RBM46: variants seen among roughly 807,000 people sequenced by gnomAD.
RBM46 encodes probable RNA-binding protein 46.
RBM46 carries 12 observed loss-of-function variants against 43.3 expected under a neutral mutation model. The ratio of observed to expected loss-of-function variants is 0.28; its 90% confidence interval spans 0.18 to 0.45. The LOEUF is 0.45. Among genes scored for constraint, RBM46 ranks in the 20% least tolerant of loss-of-function variants. The pLI is 1.00. For missense variants in RBM46, 412 were observed against 639.1 expected, an observed-to-expected ratio of 0.64 and a Z score of 3.83; for synonymous variants, 205 against 207.6, an observed-to-expected ratio of 0.99 and a Z score of 0.11.
At chr4:154,815,062 A>G (rs769468790) in intron 4 of RBM46, among the ~76,000 whole-genome samples, 2 of 151,856 alleles carry the variant, frequency 1.3e-5, no homozygotes, top group Non-Finnish European at 2.9e-5. Context: ...GACTTATTCT[A>G]TGTATTTTTG....
chr4:154,827,514 A>G (rs750221650), intron 4 of RBM46: 63 of 1,022,264 alleles, frequency 6.2e-5, no homozygotes, highest in Non-Finnish European at 7.1e-5. Flanking sequence ...TCTTTTCTTC[A>G]TGGACTACCC....
At chr4:154,799,655 T>A in intron 4 of RBM46, 91 bp downstream of exon 4, 1 of 848,364 alleles carries the variant, frequency 1.2e-6, no homozygotes, top group Non-Finnish European at 1.7e-6. Flanking sequence ...AACTCAACAT[T>A]AGTGGTAAGT....
At chr4:154,809,480 C>G (rs544438852) in intron 4 of RBM46, among the ~76,000 whole-genome samples, 1 of 151,780 alleles carries the variant, frequency 6.6e-6, no homozygotes, top group Non-Finnish European at 1.5e-5. Context: ...AATCAACTCC[C>G]AAGTATTTAG....
chr4:154,826,286 C>T (rs1224478672), intron 4 of RBM46, among the ~76,000 whole-genome samples: 4 of 151,876 alleles, frequency 2.6e-5, no homozygotes, highest in African/African-American at 7.3e-5. Flanking sequence ...GGTGAAACCC[C>T]GTCTCTACTA....
At chr4:154,804,594 T>C (rs1734813921) in intron 4 of RBM46, among the ~76,000 whole-genome samples, 1 of 152,196 alleles carries the variant, frequency 6.6e-6, no homozygotes, top group Non-Finnish European at 1.5e-5. Context: ...CTTATCTGTA[T>C]TGATAATTCA....
intron 4 of RBM46, among the ~76,000 whole-genome samples, chr4:154,811,669 C>CTGTGTGTG (rs70947182): frequency 0.13 from 17,232 of 130,662 alleles, 1,128 homozygotes; most frequent in South Asian, 0.2. Flanking sequence ...GTGTGTGTGT[C>CTGTGTGTG]TGTGTGTGTG....
intron 4 of RBM46, among the ~76,000 whole-genome samples, chr4:154,811,570 AGTT>A (rs1578934886): frequency 3.9e-5 from 6 of 152,282 alleles, no homozygotes; most frequent in Admixed American, 6.5e-5. Flanking sequence ...AAATAATAAT[AGTT>A]AAGACTACAT....
intron 4 of RBM46, chr4:154,827,652 T>C: frequency 7.4e-7 from 1 of 1,357,092 alleles, no homozygotes; most frequent in Non-Finnish European, 9.4e-7. Context: ...CTCTGAAACA[T>C]TGCGTGAGTA....
intron 1 of RBM46, among the ~76,000 whole-genome samples, chr4:154,790,820 C>T (rs76295799): frequency 0.023 from 3,509 of 152,096 alleles, 133 homozygotes; most frequent in African/African-American, 0.08. Context: ...AAAGATCAGA[C>T]GGGAGGTAGG....
At chr4:154,807,916 A>G (rs1578928961) in intron 4 of RBM46, among the ~76,000 whole-genome samples, 2 of 152,134 alleles carry the variant, frequency 1.3e-5, no homozygotes, top group South Asian at 2.1e-4. Flanking sequence ...TGGCCTGCAT[A>G]TGAAATTTTA....
chr4:154,786,442 G>A (rs1350228526), intron 1 of RBM46, among the ~76,000 whole-genome samples: 3 of 152,052 alleles, frequency 2.0e-5, no homozygotes, highest in African/African-American at 7.2e-5. Context: ...TCTTTTATCT[G>A]AATCTATTAA....
chr4:154,796,585 T>C (rs771523313), intron 1 of RBM46, among the ~76,000 whole-genome samples, 157 bp from the exon 2 acceptor site: 2 of 152,224 alleles, frequency 1.3e-5, no homozygotes, highest in Admixed American at 1.3e-4. Context: ...GTTTCCACTG[T>C]AGGGAAGAGC....
chr4:154,828,226 G>A lies in RBM46; in HGVS notation c.*159G>A, dbSNP rs1736059422. The A allele has an allele frequency of 8.2e-6, 5 of 612,814 alleles. No homozygotes were observed. The highest frequency in any genetic ancestry group is 5.5e-5 in the African/African-American group (3 of 54,068). 38.0% of individuals were successfully genotyped at this position (612,814 alleles called of 1,614,324 possible). A position where few individuals can be genotyped will look rare whatever the true frequency, so the allele number is the denominator to read the frequency against. On this transcript the variant is annotated 3_prime_UTR_variant, in exon 5 of 5. Coordinates refer to ENST00000281722, the MANE Select transcript of RBM46 (RefSeq NM_144979.5). Reference sequence around the variant, plus strand: ...CATCAGCTATAATTCAGAATAACATGGAGTTGTAGAATTTATAAAAATGCA... The same window carrying A: ...CATCAGCTATAATTCAGAATAACATAGAGTTGTAGAATTTATAAAAATGCA...
intron 1 of RBM46, among the ~76,000 whole-genome samples, chr4:154,783,057 G>A (rs897125698): frequency 1.1e-4 from 16 of 152,224 alleles, no homozygotes; most frequent in Admixed American, 6.5e-4. Flanking sequence ...CAGGGCACAC[G>A]TTTAAAACAT....
chr4:154,811,821 C>T (rs1023214717), intron 4 of RBM46, among the ~76,000 whole-genome samples: 4 of 151,936 alleles, frequency 2.6e-5, no homozygotes, highest in African/African-American at 9.7e-5. Flanking sequence ...GCTGGGATTA[C>T]AGGCATGTAC....
intron 1 of RBM46, among the ~76,000 whole-genome samples, chr4:154,788,622 C>T (rs182406546): frequency 6.6e-6 from 1 of 152,234 alleles, no homozygotes; most frequent in East Asian, 1.9e-4. Flanking sequence ...TAGCGTGGTG[C>T]GTCCAGCTTT....
At chr4:154,811,869 C>T (rs1207432739) in intron 4 of RBM46, among the ~76,000 whole-genome samples, 1 of 151,880 alleles carries the variant, frequency 6.6e-6, no homozygotes, top group African/African-American at 2.4e-5. Context: ...TTAGTAGAGA[C>T]GGGGTTTCCC....
chr4:154,801,970 C>T (rs530825635), intron 4 of RBM46, among the ~76,000 whole-genome samples: 2 of 152,286 alleles, frequency 1.3e-5, no homozygotes, highest in East Asian at 1.9e-4. Flanking sequence ...TTTTATCAAC[C>T]TTGTATCAAT....
chr4:154,817,399 C>G (rs1048749730), intron 4 of RBM46, among the ~76,000 whole-genome samples: 3 of 146,812 alleles, frequency 2.0e-5, no homozygotes, highest in Non-Finnish European at 4.5e-5. Flanking sequence ...GTGGCGTGAT[C>G]TCGGCTCACT....
Sources: gnomAD v4.1 joint callset for allele counts (sites outside exome capture counted in the v4.1 genomes callset) on GRCh38, gnomAD v4.1.1 for gene constraint, MANE v1.5 for transcripts, NCBI Gene and HGNC (gene_info 2026-07-23, HGNC 2026-07-21) for gene names.